Variants in FBXL2 observed in about 807,000 individuals in gnomAD.
FBXL2 encodes F-box/LRR-repeat protein 2.
In FBXL2, 38 loss-of-function variants were observed where a neutral mutation model predicts 69.2. The ratio of observed to expected loss-of-function variants is 0.55; its 90% CI spans 0.42 to 0.72. The LOEUF (loss-of-function observed/expected upper bound fraction) is 0.72. Ranked by LOEUF, FBXL2 falls within the 30% of genes least tolerant of loss-of-function variation. The probability of loss-of-function intolerance (pLI) is 0.00; values close to 1 mark genes in which losing one functional copy is unlikely to be tolerated. For missense variants in FBXL2, 354 were observed against 520.3 expected (o/e 0.68, Z 3.11); for synonymous variants, 192 against 201.3 (o/e 0.95, Z 0.39).
At chr3:33,284,338 G>A (rs2125677364) in intron 1 of FBXL2, among the ~76,000 whole-genome samples, 1 of 152,328 alleles carries the variant, frequency 6.6e-6, no homozygotes, top group African/African-American at 2.4e-5. Flanking sequence ...AGGTTGTTCA[G>A]TTTCCATGTA....
At chr3:33,355,803 C>A (rs2041160410) in intron 2 of FBXL2, among the ~76,000 whole-genome samples, 1 of 152,166 alleles carries the variant, frequency 6.6e-6, no homozygotes, top group Admixed American at 6.5e-5. Context: ...AGTCAGAACT[C>A]AGTTTGCCAC....
At chr3:33,333,501 T>C (rs1218200328) in intron 2 of FBXL2, among the ~76,000 whole-genome samples, 1 of 152,242 alleles carries the variant, frequency 6.6e-6, no homozygotes, top group African/African-American at 2.4e-5. Flanking sequence ...TTTGCTCCCA[T>C]GATAATCATA....
At chr3:33,376,094 T>C (rs1226455921) in intron 10 of FBXL2, among the ~76,000 whole-genome samples, 1 of 151,598 alleles carries the variant, frequency 6.6e-6, no homozygotes, top group Non-Finnish European at 1.5e-5. Context: ...AGGCGGAGGT[T>C]GCAGTGAGCC....
chr3:33,421,913 A>G, the FBXL2 span, among the ~76,000 whole-genome samples: 64,777 of 151,916 alleles, frequency 0.43, 15,870 homozygotes, highest in African/African-American at 0.63. Flanking sequence ...ACATGGTGGC[A>G]TGTGCCCATA....
At chr3:33,317,466 C>G (rs574560360) in intron 2 of FBXL2, 21 of 456,370 alleles carry the variant, frequency 4.6e-5, no homozygotes, top group Non-Finnish European at 8.8e-5. Flanking sequence ...TGTCTCTCAC[C>G]CCATATTCAG....
the FBXL2 span, among the ~76,000 whole-genome samples, chr3:33,420,995 T>C: frequency 6.6e-6 from 1 of 152,316 alleles, no homozygotes; most frequent in South Asian, 2.1e-4. Context: ...AGAAATTCTT[T>C]TCATTTGAAG....
At chr3:33,310,004 G>GA (rs1049129228) in intron 2 of FBXL2, among the ~76,000 whole-genome samples, 1 of 149,458 alleles carries the variant, frequency 6.7e-6, no homozygotes, top group Non-Finnish European at 1.5e-5. Flanking sequence ...CTACAAAAAG[G>GA]AAAAAAAAAG....
chr3:33,311,830 T>A (rs1419590747), intron 2 of FBXL2, among the ~76,000 whole-genome samples: 1 of 152,120 alleles, frequency 6.6e-6, no homozygotes, highest in Non-Finnish European at 1.5e-5. Context: ...TTCACCGTGT[T>A]AGCCAGGATG....
At chr3:33,413,507 A>G in the FBXL2 span, among the ~76,000 whole-genome samples, 2 of 148,326 alleles carry the variant, frequency 1.3e-5, no homozygotes, top group African/African-American at 5.0e-5. Context: ...AGTTCGCACC[A>G]CTGCACTCCA....
chr3:33,374,053 T>A (rs905434112), intron 9 of FBXL2, 132 bp downstream of exon 9: 8 of 748,162 alleles, frequency 1.1e-5, no homozygotes, highest in Non-Finnish European at 1.8e-5. Flanking sequence ...CCATCCTGTG[T>A]CCTTATATAA....
At chr3:33,297,489 C>A (rs1468048169) in intron 1 of FBXL2, among the ~76,000 whole-genome samples, 175 bp from the exon 2 acceptor site, 3 of 151,826 alleles carry the variant, frequency 2.0e-5, no homozygotes, top group African/African-American at 4.8e-5. Flanking sequence ...AGTGATAGGA[C>A]ATAAAATATT....
At chr3:33,412,836 T>C in the FBXL2 span, 1 of 1,598,180 alleles carries the variant, frequency 6.3e-7, no homozygotes, top group Admixed American at 1.7e-5. Flanking sequence ...CTCTGTGGAA[T>C]AAGTGCGGAA....
intron 2 of FBXL2, among the ~76,000 whole-genome samples, chr3:33,330,047 C>G (rs2039028444): frequency 1.3e-5 from 2 of 152,072 alleles, no homozygotes; most frequent in Admixed American, 1.3e-4. Context: ...CTTTGGGAGG[C>G]CAAGGCAGAA....
chr3:33,415,149 T>C, the FBXL2 span, among the ~76,000 whole-genome samples: 1 of 152,238 alleles, frequency 6.6e-6, no homozygotes, highest in East Asian at 1.9e-4. Flanking sequence ...CTTGCCAAAA[T>C]ATTTTAAACA....
At chr3:33,330,585 A>G (rs999862529) in intron 2 of FBXL2, among the ~76,000 whole-genome samples, 1 of 152,096 alleles carries the variant, frequency 6.6e-6, no homozygotes, top group Non-Finnish European at 1.5e-5. Context: ...ACGTTATATG[A>G]ATGTATTAAA....
At chr3:33,378,800 A>G in intron 13 of FBXL2, 59 bp downstream of exon 13, 1 of 1,613,528 alleles carries the variant, frequency 6.2e-7, no homozygotes, top group Non-Finnish European at 8.5e-7. Context: ...CCCTCCCACC[A>G]CAACAAGAAG....
chr3:33,416,750 G>A, the FBXL2 span: 1 of 1,608,608 alleles, frequency 6.2e-7, no homozygotes, highest in Non-Finnish European at 8.5e-7. Flanking sequence ...AAAATGGACT[G>A]TCCTTACCTT....
intron 2 of FBXL2, among the ~76,000 whole-genome samples, chr3:33,311,813 A>T (rs1362399263): frequency 6.6e-6 from 1 of 151,906 alleles, no homozygotes; most frequent in African/African-American, 2.4e-5. Flanking sequence ...TTTAGTAGAG[A>T]CGGGGTTTCA....
At position 33,398,345 on chromosome 3, in the gene FBXL2, A is replaced by C. The variant is rs561535298; in HGVS notation, n.1215-4889A>C. The C allele has an allele frequency of 3.9e-5, 6 of 152,356 alleles. No individual in the cohort carries two copies. The East Asian group carries it at 1.2e-3, about 29-fold the overall frequency. 9.4% of individuals were successfully genotyped at this position (152,356 alleles called of 1,614,324 possible). ...AGAAGCACATCTCCCATGAGACATGAGCATTAATAGAGTCATTTTATAGAG... is the reference window on the plus strand; with the variant it reads ...AGAAGCACATCTCCCATGAGACATGCGCATTAATAGAGTCATTTTATAGAG... On this transcript the variant is annotated intron_variant and non_coding_transcript_variant, in intron 12 of 12. Transcript: ENST00000463736.
Sources: allele counts gnomAD v4.1 joint callset (sites outside exome capture counted in the v4.1 genomes callset), GRCh38; gene constraint gnomAD v4.1.1; transcripts MANE v1.5; gene names NCBI Gene and HGNC (gene_info 2026-07-23, HGNC 2026-07-21).